Variants in BACH1 observed in about 807,000 individuals in gnomAD.
BACH1 encodes the protein transcription regulator protein BACH1.
BACH1 carries 35 observed loss-of-function variants against 52.9 expected under a neutral mutation model. The ratio of observed to expected loss-of-function variants is 0.66; its 90% CI spans 0.51 to 0.88. BACH1 has a LOEUF of 0.88. Ranked by LOEUF, BACH1 falls within the 40% of genes least tolerant of loss-of-function variation. The probability of loss-of-function intolerance (pLI) is 0.00; values close to 1 mark genes in which losing one functional copy is unlikely to be tolerated. For synonymous variants in BACH1, 321 were observed against 319.6 expected, an observed-to-expected ratio of 1.00 and a Z score of -0.05; for missense variants, 808 against 872.6, an observed-to-expected ratio of 0.93 and a Z score of 0.93.
rs780086183 is a variant in BACH1, at chr21:29,342,764, G to C, written c.2142G>C (p.Gln714His). The C allele has an allele frequency of 2.0e-5, 32 of 1,613,886 alleles. No homozygotes were observed. The highest frequency in any genetic ancestry group is 2.5e-5 in the Non-Finnish European group (30 of 1,179,892). The change falls in exon 5 of 5, where the codon CAG becomes CAC. Residue 714 changes from glutamine to histidine, a missense_variant. By Grantham distance (24) the Gln-to-His change is conservative (BLOSUM62 0). Coordinates refer to ENST00000286800, the MANE Select transcript of BACH1 (RefSeq NM_001186.4). ...CTGAGCAAGCTGGGCCTGCGGAACA[G>C]TGTCGTCAGAGTGGTGGGATCTCAG... The part of the protein sequence containing the change: ...ATSEQAGPAE[Q>H]CRQSGGISDF...
intron 2 of BACH1, chr21:29,361,059 C>A (rs891629083): frequency 6.6e-6 from 1 of 152,152 alleles, no homozygotes; most frequent in Non-Finnish European, 1.5e-5. Flanking sequence ...CCAGGAGATG[C>A]GTTTGGTCTG....
chr21:29,356,768 A>G (rs557335960), intron 2 of BACH1, among the ~76,000 whole-genome samples: 14 of 152,402 alleles, frequency 9.2e-5, no homozygotes, highest in Admixed American at 7.2e-4. Flanking sequence ...TACAGAGAAG[A>G]CCTTCAATTA....
chr21:29,339,800 A>G (rs977771784), intron 4 of BACH1, among the ~76,000 whole-genome samples: 2 of 151,866 alleles, frequency 1.3e-5, no homozygotes, highest in Admixed American at 6.6e-5. Flanking sequence ...TGCCCAGCTA[A>G]TTTTTTTGTA....
chr21:29,330,935 A>G (rs1295011839), intron 4 of BACH1, among the ~76,000 whole-genome samples: 2 of 151,684 alleles, frequency 1.3e-5, no homozygotes, highest in African/African-American at 4.8e-5. Flanking sequence ...ATGTTTTACA[A>G]ATAGAGGCAT....
At chr21:29,301,758 T>C (rs985504406) in intron 1 of BACH1, among the ~76,000 whole-genome samples, 1 of 152,214 alleles carries the variant, frequency 6.6e-6, no homozygotes, top group Non-Finnish European at 1.5e-5. Context: ...TAGTTTGTAC[T>C]GTTACTCCTT....
chr21:29,302,855 A>G (rs185315830), intron 1 of BACH1, among the ~76,000 whole-genome samples: 4 of 152,340 alleles, frequency 2.6e-5, no homozygotes, highest in African/African-American at 9.6e-5. Flanking sequence ...CATACATCCA[A>G]CTTCTGAGGG....
At chr21:29,310,472 A>G (rs1350402943) in intron 1 of BACH1, among the ~76,000 whole-genome samples, 1 of 152,254 alleles carries the variant, frequency 6.6e-6, no homozygotes, top group African/African-American at 2.4e-5. Context: ...CCTATTAGAC[A>G]TACAGGTAGT....
chr21:29,358,770 A>AAAG (rs768723075), intron 2 of BACH1, among the ~76,000 whole-genome samples: 2,684 of 108,886 alleles, frequency 0.025, 30 homozygotes, highest in Non-Finnish European at 0.032. Flanking sequence ...AAAAGAAAAG[A>AAAG]AAAGAAAGAA....
chr21:29,347,378 T>C (rs963060860), downstream of BACH1, among the ~76,000 whole-genome samples: 28 of 152,158 alleles, frequency 1.8e-4, no homozygotes, highest in Admixed American at 5.2e-4. Context: ...CCGAGCCAAG[T>C]AGACTTAATG....
In BACH1 at chr21:29,326,590, A is replaced by C; in HGVS notation, c.766A>C (p.Asn256His). ...VKDIHASVQP[N>H]ERSENECLGG... Reference sequence around the variant, plus strand: ...AGACATTCATGCTTCTGTTCAGCCAAATGAAAGGTCTGAAAATGAATGCCT... The same window carrying C: ...AGACATTCATGCTTCTGTTCAGCCACATGAAAGGTCTGAAAATGAATGCCT... The change falls in exon 3 of 5, where the codon AAT becomes CAT. Residue 256 changes from asparagine (N) to histidine (H), a missense_variant. Asn to His is a moderately conservative substitution (Grantham distance 68). Transcript: ENST00000286800. 3.7e-6 allele frequency: 6 copies of C among 1,614,208 alleles called. No individual in the cohort carries two copies. The highest frequency in any genetic ancestry group is 5.1e-6 in the Non-Finnish European group (6 of 1,180,030).
chr21:29,346,417 A>G (rs1039014373), downstream of BACH1, among the ~76,000 whole-genome samples: 4 of 152,358 alleles, frequency 2.6e-5, no homozygotes, highest in East Asian at 5.8e-4. Flanking sequence ...ATTAAGTTTT[A>G]AAAACTTATC....
intron 3 of BACH1, among the ~76,000 whole-genome samples, chr21:29,328,550 T>C (rs2088942684): frequency 6.6e-6 from 1 of 152,174 alleles, no homozygotes; most frequent in Non-Finnish European, 1.5e-5. Flanking sequence ...ATTTGTTTTT[T>C]GTAAGAATAC....
chr21:29,319,215 G>C (rs191028852), intron 1 of BACH1, among the ~76,000 whole-genome samples: 7 of 152,316 alleles, frequency 4.6e-5, no homozygotes, highest in Non-Finnish European at 1.0e-4. Context: ...CTTTAGGATA[G>C]TCTCTGGAGA....
chr21:29,317,916 A>G (rs565535431), intron 1 of BACH1, among the ~76,000 whole-genome samples: 1 of 152,122 alleles, frequency 6.6e-6, no homozygotes, highest in South Asian at 2.1e-4. Context: ...AACTTGGCCA[A>G]GGTCATATAG....
Position 29,321,410 on chromosome 21 carries a change from C to T in BACH1, c.130C>T (p.Arg44Trp), listed in dbSNP as rs774968854. 25 of 1,614,070 alleles carry T rather than the reference C, an allele frequency of 1.5e-5. No individual in the cohort carries two copies. Among genetic ancestry groups the T allele is most frequent in the Middle Eastern group, 1.6e-4 (1 of 6,084 alleles). The change falls in exon 2 of 5, where the codon CGG becomes TGG. Residue 44 changes from arginine (R) to tryptophan (W), a missense_variant. By Grantham distance (101) the Arg-to-Trp change is moderately radical. Coordinates refer to ENST00000286800, the MANE Select transcript of BACH1 (RefSeq NM_001186.4). The part of the protein sequence containing the change: ...CDVTIFVEGQ[R>W]FRAHRSVLAA... ...TGTCACCATCTTTGTGGAGGGACAG[C>T]GGTTCCGCGCTCACCGGTCCGTGCT...
chr21:29,350,633 G>A (rs975952998), downstream of BACH1, among the ~76,000 whole-genome samples: 4 of 152,202 alleles, frequency 2.6e-5, no homozygotes, highest in East Asian at 1.9e-4. Flanking sequence ...ATTTGGAGAC[G>A]GGCACATCCC....
At chr21:29,338,400 G>T (rs2089070575) in intron 4 of BACH1, among the ~76,000 whole-genome samples, 1 of 151,848 alleles carries the variant, frequency 6.6e-6, no homozygotes, top group Non-Finnish European at 1.5e-5. Flanking sequence ...TTGAGACAGG[G>T]TTTCACTCTG....
chr21:29,329,441 A>G, intron 3 of BACH1, 46 bp from the exon 4 acceptor site: 2 of 1,401,212 alleles, frequency 1.4e-6, no homozygotes, highest in Non-Finnish European at 1.9e-6. Flanking sequence ...TTTGACTATA[A>G]TTATAAAATA....
intron 2 of BACH1, among the ~76,000 whole-genome samples, chr21:29,352,057 CTTTTT>C (rs35436105): frequency 7.2e-6 from 1 of 139,858 alleles, no homozygotes; most frequent in Admixed American, 7.2e-5. Flanking sequence ...ACCTAGTTTT[CTTTTT>C]TTTTTTTTTT....
Sources: gnomAD v4.1 joint callset for allele counts (sites outside exome capture counted in the v4.1 genomes callset) on GRCh38, gnomAD v4.1.1 for gene constraint, MANE v1.5 for transcripts, NCBI Gene and HGNC (gene_info 2026-07-23, HGNC 2026-07-21) for gene names.